Variants in TRAPPC9 observed in about 807,000 individuals in gnomAD.
TRAPPC9 encodes the protein trafficking protein particle complex subunit 9, also known as IKK2 binding protein.
A neutral mutation model predicts 124.0 loss-of-function variants in TRAPPC9; 83 were observed. That is an observed-to-expected ratio of 0.67 (90% confidence interval 0.56 to 0.80). The LOEUF (loss-of-function observed/expected upper bound fraction) is 0.80. Ranked by LOEUF, TRAPPC9 falls within the 30% of genes least tolerant of loss-of-function variation. The probability of loss-of-function intolerance (pLI) is 0.00; values close to 1 mark genes in which losing one functional copy is unlikely to be tolerated. For missense variants in TRAPPC9, 1,302 were observed against 1,508.3 expected (o/e 0.86, Z 2.27); for synonymous variants, 638 against 617.5 (o/e 1.03, Z -0.49).
intron 10 of TRAPPC9, among the ~76,000 whole-genome samples, chr8:140,304,375 A>G (rs4736029): frequency 0.78 from 118,514 of 152,110 alleles, 47,024 homozygotes; most frequent in African/African-American, 0.94. Flanking sequence ...TATTACAGGT[A>G]TGAACCACCG....
intron 17 of TRAPPC9, among the ~76,000 whole-genome samples, chr8:140,069,584 A>G (rs1843040252): frequency 6.6e-6 from 1 of 152,112 alleles, no homozygotes; most frequent in African/African-American, 2.4e-5. Context: ...TATACCCCAT[A>G]TGACCCCACA....
chr8:140,394,272 T>TC, intron 7 of TRAPPC9, among the ~76,000 whole-genome samples: 1 of 152,298 alleles, frequency 6.6e-6, no homozygotes, highest in East Asian at 1.9e-4. Context: ...CTTCAGGCTT[T>TC]CGGAGGGTCC....
At chr8:139,808,215 T>C (rs1471291676) in intron 21 of TRAPPC9, among the ~76,000 whole-genome samples, 4 of 152,190 alleles carry the variant, frequency 2.6e-5, no homozygotes, top group Non-Finnish European at 2.9e-5. Context: ...TCCCAGCACT[T>C]TGGGAGGCCG....
At chr8:140,115,546 C>T (rs183808092) in intron 17 of TRAPPC9, among the ~76,000 whole-genome samples, 244 of 152,304 alleles carry the variant, frequency 1.6e-3, no homozygotes, top group African/African-American at 5.4e-3. Flanking sequence ...GGATTACAGG[C>T]ATGAGCCACC....
intron 17 of TRAPPC9, among the ~76,000 whole-genome samples, chr8:140,176,479 T>A (rs2062074139): frequency 6.6e-6 from 1 of 152,252 alleles, no homozygotes; most frequent in African/African-American, 2.4e-5. Flanking sequence ...TTCATCTGTG[T>A]GTTGGGCATA....
chr8:139,777,363 G>A (rs958808405), intron 21 of TRAPPC9, among the ~76,000 whole-genome samples: 2 of 152,184 alleles, frequency 1.3e-5, no homozygotes. Context: ...AAACTCCTTA[G>A]GTCTGGCTCC....
At chr8:140,283,137 C>T (rs1422150810) in intron 14 of TRAPPC9, among the ~76,000 whole-genome samples, 2 of 151,704 alleles carry the variant, frequency 1.3e-5, no homozygotes, top group African/African-American at 2.4e-5. Context: ...ACTTAGGAGG[C>T]TGAGGTGGGA....
rs1038941984 is a variant in TRAPPC9, at chr8:140,053,839, T to C, written c.2557-29760A>G. On this transcript the variant is annotated intron_variant, in intron 17 of 22. Transcript: ENST00000438773. The stretch of plus-strand genomic sequence containing the variant: ...TGTCTTATGGCAGTGTTTGCCTTCA[T>C]GTTTATTTTGTCTATCAAAGACACT... Among the ~76,000 whole-genome samples, 21 of 152,380 alleles carry C rather than the reference T, an allele frequency of 1.4e-4. No individual in the cohort carries two copies. In the East Asian group the frequency reaches 3.9e-3, roughly 28 times the overall value.
chr8:140,233,752 GA>G lies in TRAPPC9; in HGVS notation c.2432-12170del, dbSNP rs549304468. On this transcript the variant is annotated intron_variant, in intron 16 of 22. Coordinates refer to ENST00000438773, the MANE Select transcript of TRAPPC9 (RefSeq NM_001160372.4). ...CAGAGTTTTTACACACACATTAAAAGAAAAAAAAAAAAAAAAACCTTTTCCT... is the reference window on the plus strand; with the variant it reads ...CAGAGTTTTTACACACACATTAAAAGAAAAAAAAAAAAAAAACCTTTTCCT... 2.4e-3 allele frequency among the ~76,000 whole-genome samples: 272 copies of G among 111,876 alleles called. 2 individuals are homozygous for G. Among genetic ancestry groups the G allele is most frequent in the East Asian group, 0.014 (37 of 2,574 alleles). 73.4% of individuals were successfully genotyped at this position (111,876 alleles called of 152,430 possible).
intron 21 of TRAPPC9, among the ~76,000 whole-genome samples, chr8:139,847,264 CG>C (rs1827141047): frequency 6.6e-6 from 1 of 152,140 alleles, no homozygotes; most frequent in Admixed American, 6.5e-5. Context: ...GTTTTCTGAG[CG>C]GGGGAAACAC....
At chr8:139,812,661 T>A (rs1586900871) in intron 21 of TRAPPC9, among the ~76,000 whole-genome samples, 1 of 152,262 alleles carries the variant, frequency 6.6e-6, no homozygotes, top group South Asian at 2.1e-4. Context: ...AGAAAAATGT[T>A]AATGAGTTAA....
rs1011903822 is a variant in TRAPPC9 at position 140,118,705 on chromosome 8, G to A, written c.2557-94626C>T. On this transcript the variant is annotated intron_variant, in intron 17 of 22. Coordinates refer to ENST00000438773, the MANE Select transcript of TRAPPC9 (RefSeq NM_001160372.4). ...TTCACCTGTCATGATGTGAACTGGGGGCTGAGACAGCTATGGGTGAGGGGA... is the reference window on the plus strand; with the variant it reads ...TTCACCTGTCATGATGTGAACTGGGAGCTGAGACAGCTATGGGTGAGGGGA... Among the ~76,000 whole-genome samples, 14 of 152,312 alleles carry A rather than the reference G, an allele frequency of 9.2e-5. 1 individual carries two copies. The highest frequency in any genetic ancestry group is 8.5e-4 in the Admixed American group (13 of 15,300).
intron 19 of TRAPPC9, among the ~76,000 whole-genome samples, chr8:139,966,453 G>A (rs2131588135): frequency 6.6e-6 from 1 of 152,320 alleles, no homozygotes; most frequent in East Asian, 1.9e-4. Flanking sequence ...GCAGCGGTGG[G>A]GCTCCTGCAG....
intron 18 of TRAPPC9, among the ~76,000 whole-genome samples, chr8:140,000,272 A>T (rs963928106): frequency 1.3e-5 from 2 of 152,188 alleles, no homozygotes; most frequent in Non-Finnish European, 2.9e-5. Flanking sequence ...CTAACACCAT[A>T]AAAACCCTAG....
At chr8:139,842,905 T>G (rs991485124) in intron 21 of TRAPPC9, among the ~76,000 whole-genome samples, 4 of 152,260 alleles carry the variant, frequency 2.6e-5, no homozygotes, top group Non-Finnish European at 5.9e-5. Flanking sequence ...AAGCAGATTT[T>G]CATCGCACAG....
Position 139,907,509 on chromosome 8 carries a change from G to A in TRAPPC9, c.2964+2638C>T, listed in dbSNP as rs1027624789. ...GATGTCATCAACAGATGAGAGTGGG[G>A]GGAAGGGAGAGGAGAGGGAGAAAGA... On this transcript the variant is annotated intron_variant, in intron 20 of 22. Coordinates refer to ENST00000438773, the MANE Select transcript of TRAPPC9 (RefSeq NM_001160372.4). This position sits in a 1 kb window ranked among gnomAD's most constrained non-coding sequence, Gnocchi z 4.7. 6.8e-6 allele frequency among the ~76,000 whole-genome samples: 1 copy of A among 147,716 alleles called. No individual in the cohort carries two copies. Among genetic ancestry groups the A allele is most frequent in the African/African-American group, 2.5e-5 (1 of 40,238 alleles).
intron 19 of TRAPPC9, among the ~76,000 whole-genome samples, chr8:139,945,026 A>T (rs1010708996): frequency 4.8e-4 from 73 of 152,322 alleles, no homozygotes; most frequent in Non-Finnish European, 7.6e-4. Context: ...CAGGAGGCTG[A>T]GGCAAGAGAA....
intron 9 of TRAPPC9, among the ~76,000 whole-genome samples, chr8:140,359,597 G>A (rs1235527976): frequency 6.6e-6 from 1 of 152,164 alleles, no homozygotes; most frequent in Admixed American, 6.5e-5. Context: ...GGGGCCCTGG[G>A]TTCTGTTCCT....
intron 12 of TRAPPC9, among the ~76,000 whole-genome samples, chr8:140,290,783 G>A (rs1348638175): frequency 2.0e-5 from 3 of 152,178 alleles, no homozygotes; most frequent in Non-Finnish European, 4.4e-5. Flanking sequence ...AGGTTTCTTT[G>A]TAGGTTCAAA....
Sources: allele counts gnomAD v4.1 joint callset (sites outside exome capture counted in the v4.1 genomes callset), GRCh38; gene constraint gnomAD v4.1.1; non-coding constraint Gnocchi (gnomAD v3.1); transcripts MANE v1.5; gene names NCBI Gene and HGNC (gene_info 2026-07-23, HGNC 2026-07-21).